SDK1: variants seen among roughly 807,000 people sequenced by gnomAD.
SDK1 encodes sidekick cell adhesion molecule 1.
A neutral mutation model predicts 245.5 loss-of-function variants in SDK1; 157 were observed. That is an observed-to-expected ratio of 0.64 (90% CI 0.56 to 0.73). The LOEUF is 0.73. SDK1 is among the 30% of genes least tolerant of loss of function. The probability of loss-of-function intolerance (pLI) is 0.00; values close to 1 mark genes in which losing one functional copy is unlikely to be tolerated. For missense variants in SDK1, 3,583 were observed against 3,002.3 expected (o/e 1.19, Z -4.52); for synonymous variants, 1,647 against 1,278.5 (o/e 1.29, Z -6.15).
chr7:3,510,161 AT>A (rs1260614852), intron 1 of SDK1, among the ~76,000 whole-genome samples: 1 of 152,076 alleles, frequency 6.6e-6, no homozygotes, highest in East Asian at 1.9e-4. Flanking sequence ...GGACCTGGAT[AT>A]TTTTTACTTC....
intron 4 of SDK1, among the ~76,000 whole-genome samples, chr7:3,747,010 A>G (rs1779644206): frequency 6.6e-6 from 1 of 152,222 alleles, no homozygotes; most frequent in Non-Finnish European, 1.5e-5. Context: ...CTTAAATAGT[A>G]AGACGTGAAA....
At chr7:3,617,000 G>T (rs1277812070) in intron 1 of SDK1, among the ~76,000 whole-genome samples, 1 of 152,132 alleles carries the variant, frequency 6.6e-6, no homozygotes, top group East Asian at 1.9e-4. Flanking sequence ...TAGATTATCT[G>T]GATTTAAATC....
At chr7:4,035,216 C>G (rs796639115) in intron 17 of SDK1, among the ~76,000 whole-genome samples, 2 of 152,060 alleles carry the variant, frequency 1.3e-5, no homozygotes, top group Non-Finnish European at 2.9e-5. Flanking sequence ...AACTCCTGAC[C>G]TCAAGCAATC....
intron 1 of SDK1, among the ~76,000 whole-genome samples, chr7:3,340,179 C>T (rs1410600555): frequency 6.6e-6 from 1 of 151,776 alleles, no homozygotes; most frequent in East Asian, 1.9e-4. Flanking sequence ...ACAAAATAGA[C>T]AATCAGAATG....
chr7:3,716,961 A>G (rs1264696908), intron 4 of SDK1, among the ~76,000 whole-genome samples: 2 of 152,174 alleles, frequency 1.3e-5, no homozygotes, highest in Non-Finnish European at 2.9e-5. Flanking sequence ...TTTTCACTTC[A>G]TGAGTTTCCT....
At chr7:3,948,663 G>T (rs1780674848) in intron 5 of SDK1, among the ~76,000 whole-genome samples, 1 of 152,188 alleles carries the variant, frequency 6.6e-6, no homozygotes, top group African/African-American at 2.4e-5. Context: ...TGCGGTGCCT[G>T]CGGCACTTGG....
intron 1 of SDK1, among the ~76,000 whole-genome samples, chr7:3,452,037 A>G (rs976506529): frequency 1.3e-5 from 2 of 152,224 alleles, no homozygotes; most frequent in African/African-American, 4.8e-5. Flanking sequence ...GTATTTTAAA[A>G]ACAGAGATAG....
intron 5 of SDK1, among the ~76,000 whole-genome samples, chr7:3,880,754 C>T (rs958184311): frequency 6.6e-6 from 1 of 152,022 alleles, no homozygotes; most frequent in Admixed American, 6.5e-5. Flanking sequence ...ACAAACCAGA[C>T]GGGCTGAGAG....
At chr7:3,326,907 A>G (rs980827614) in intron 1 of SDK1, among the ~76,000 whole-genome samples, 14 of 152,098 alleles carry the variant, frequency 9.2e-5, no homozygotes, top group African/African-American at 3.4e-4. Context: ...TATTTTTTAA[A>G]TATACTTACT....
chr7:3,941,907 C>CTTTTTTTTTT (rs72338979), intron 5 of SDK1, among the ~76,000 whole-genome samples: 1 of 128,222 alleles, frequency 7.8e-6, no homozygotes, highest in African/African-American at 3.0e-5. Flanking sequence ...AGACTTCATT[C>CTTTTTTTTTT]TTTTTTTTTT....
intron 1 of SDK1, among the ~76,000 whole-genome samples, chr7:3,556,051 C>G (rs1284234775): frequency 6.6e-6 from 1 of 152,164 alleles, no homozygotes; most frequent in Non-Finnish European, 1.5e-5. Flanking sequence ...TATGATCCAG[C>G]AAAGCCACTG....
chr7:3,427,650 T>C (rs1779714687), intron 1 of SDK1, among the ~76,000 whole-genome samples: 1 of 152,174 alleles, frequency 6.6e-6, no homozygotes. Context: ...TATGACTTGG[T>C]GAATTTCCAT....
At chr7:3,388,714 G>C (rs1251538122) in intron 1 of SDK1, among the ~76,000 whole-genome samples, 1 of 152,082 alleles carries the variant, frequency 6.6e-6, no homozygotes, top group East Asian at 1.9e-4. Context: ...TTGATAAAGG[G>C]AGAATTTTAT....
Position 4,268,699 on chromosome 7 carries a change from C to T in SDK1, c.*3315C>T, listed in dbSNP as rs749052375. On this transcript the variant is annotated 3_prime_UTR_variant, in exon 45 of 45. Coordinates refer to ENST00000404826, the MANE Select transcript of SDK1 (RefSeq NM_152744.4). ...ACAGTGTAGCTATCCTCCTGACGAGCAACCCGTCTGCGTACCTAAGTGTGG... is the reference window on the plus strand; with the variant it reads ...ACAGTGTAGCTATCCTCCTGACGAGTAACCCGTCTGCGTACCTAAGTGTGG... The T allele has an allele frequency of 5.1e-6, 7 of 1,367,764 alleles. No homozygotes were observed. The East Asian group carries it at 1.4e-4, about 27-fold the overall frequency. The allele number at this position is 1,367,764 out of a possible 1,614,324, so 84.7% of individuals were successfully genotyped here.
chr7:4,070,598 C>T (rs950531083), intron 20 of SDK1, among the ~76,000 whole-genome samples: 33 of 152,202 alleles, frequency 2.2e-4, no homozygotes, highest in African/African-American at 7.5e-4. Flanking sequence ...AACCCCACCA[C>T]TACTCATCAG....
intron 1 of SDK1, among the ~76,000 whole-genome samples, chr7:3,401,952 T>A (rs1778900145): frequency 6.6e-6 from 1 of 152,156 alleles, no homozygotes; most frequent in African/African-American, 2.4e-5. Flanking sequence ...TGTAGCTGTC[T>A]TTACTGCATC....
At chr7:3,950,761 C>A (rs139753425) in intron 5 of SDK1, among the ~76,000 whole-genome samples, 162 bp from the exon 6 acceptor site, 1 of 152,228 alleles carries the variant, frequency 6.6e-6, no homozygotes, top group East Asian at 1.9e-4. Context: ...AAAAGCCCTG[C>A]GTGGAGCCAT....
chr7:3,915,035 C>T (rs1779318673), intron 5 of SDK1, among the ~76,000 whole-genome samples: 3 of 152,206 alleles, frequency 2.0e-5, no homozygotes, highest in South Asian at 2.1e-4. Flanking sequence ...ACATTTCTCC[C>T]GGAAATCCCA....
chr7:3,369,847 G>A (rs372518186), intron 1 of SDK1, among the ~76,000 whole-genome samples: 7 of 152,104 alleles, frequency 4.6e-5, no homozygotes, highest in South Asian at 2.1e-4. Flanking sequence ...CATTTATGGC[G>A]TGCAGTGTTT....
Sources: allele counts gnomAD v4.1 joint callset (sites outside exome capture counted in the v4.1 genomes callset), GRCh38; gene constraint gnomAD v4.1.1; transcripts MANE v1.5; gene names NCBI Gene and HGNC (gene_info 2026-07-23, HGNC 2026-07-21).